MAPKAPK2: variants seen among roughly 807,000 people sequenced by gnomAD.
MAPKAPK2 encodes MAPK activated protein kinase 2, also known as MAP kinase-activated protein kinase 2.
Under a neutral mutation model 48.8 loss-of-function variants are expected in MAPKAPK2, and 9 were observed. The ratio of observed to expected loss-of-function variants is 0.18; its 90% CI spans 0.11 to 0.32. The LOEUF is 0.32. Among genes scored for constraint, MAPKAPK2 ranks in the 10% least tolerant of loss-of-function variants. The pLI is 1.00. For synonymous variants in MAPKAPK2, 202 were observed against 190.6 expected (o/e 1.06, Z -0.49); for missense variants, 331 against 498.3 (o/e 0.66, Z 3.20).
chr1:206,701,187 GCT>G (rs1553427851), intron 1 of MAPKAPK2, among the ~76,000 whole-genome samples: 2 of 152,196 alleles, frequency 1.3e-5, no homozygotes, highest in Admixed American at 6.5e-5. Flanking sequence ...GAATACAGAA[GCT>G]CTCTTTCACG....
chr1:206,697,774 G>A (rs1672675316), intron 1 of MAPKAPK2, among the ~76,000 whole-genome samples: 1 of 152,234 alleles, frequency 6.6e-6, no homozygotes. Flanking sequence ...TCAAAGGTTT[G>A]AACCTCATGG....
intron 1 of MAPKAPK2, among the ~76,000 whole-genome samples, chr1:206,687,635 G>A (rs1220244700): frequency 6.6e-6 from 1 of 152,196 alleles, no homozygotes; most frequent in Non-Finnish European, 1.5e-5. Context: ...TACAGCTGTG[G>A]GGGGAATCTG....
At chr1:206,727,692 C>T (rs1484656945) in intron 1 of MAPKAPK2, among the ~76,000 whole-genome samples, 1 of 152,118 alleles carries the variant, frequency 6.6e-6, no homozygotes, top group Non-Finnish European at 1.5e-5. Flanking sequence ...GTGATCTCGG[C>T]TCGCTGCAAG....
rs935186637 is a variant in MAPKAPK2, at chr1:206,731,414, C to T, written c.892+152C>T. On this transcript the variant is annotated intron_variant, in intron 7 of 9. Transcript: ENST00000367103. This position sits in a 1 kb window ranked among gnomAD's most constrained non-coding sequence, Gnocchi z 5.9. ...TATGCCCACGCCTGCGGGGTGCGTC[C>T]TGCTTCATTTTGCCTGTGTGGAGGG... 1.5e-5 allele frequency: 22 copies of T among 1,431,866 alleles called. No homozygotes were observed. Among genetic ancestry groups the T allele is most frequent in the Non-Finnish European group, 2.0e-5 (21 of 1,059,602 alleles). 88.7% of individuals were successfully genotyped at this position (1,431,866 alleles called of 1,614,324 possible).
intron 1 of MAPKAPK2, among the ~76,000 whole-genome samples, chr1:206,722,684 T>C (rs1384948756): frequency 2.0e-5 from 3 of 152,204 alleles, no homozygotes; most frequent in Admixed American, 1.3e-4. Context: ...AAACCTGGGT[T>C]GTTCAAGGGC....
At chr1:206,691,169 A>G (rs1232801430) in intron 1 of MAPKAPK2, among the ~76,000 whole-genome samples, 3 of 152,144 alleles carry the variant, frequency 2.0e-5, no homozygotes, top group South Asian at 2.1e-4. Flanking sequence ...GTTCAGTGGC[A>G]TGTCCAAGGT....
chr1:206,715,362 C>A (rs1445131359), intron 1 of MAPKAPK2, among the ~76,000 whole-genome samples: 2 of 152,180 alleles, frequency 1.3e-5, no homozygotes, highest in Non-Finnish European at 1.5e-5. Flanking sequence ...CAGACTACTC[C>A]CTTCGGGCCT....
chr1:206,696,065 G>T, intron 1 of MAPKAPK2: 4 of 986,576 alleles, frequency 4.1e-6, no homozygotes, highest in Admixed American at 1.7e-5. Context: ...ATGTGGTGAG[G>T]ATTCATCTCA....
Position 206,685,373 on chromosome 1 carries a change from C to A in MAPKAPK2, c.144C>A (p.Val48=). 6.6e-7 allele frequency: 1 copy of A among 1,515,416 alleles called. No individual in the cohort carries two copies. The highest frequency in any genetic ancestry group is 1.2e-5 in the South Asian group (1 of 86,484). The allele number at this position is 1,515,416 out of a possible 1,614,324, so 93.9% of individuals were successfully genotyped here. The change falls in exon 1 of 10, where the codon GTC becomes GTA. Residue 48 remains valine, a synonymous_variant. Transcript: ENST00000367103. ...CGCAGCAGTTCCCGCAGTTCCACGT[C>A]AAGTCCGGCCTGCAGATCAAGAAGA... ...PPPQQFPQFH[V]KSGLQIKKNA... is the part of the protein sequence containing the mutation.
In MAPKAPK2 at chr1:206,732,098, G is replaced by A. The variant is rs374876954; in HGVS notation, c.1059+179G>A. The A allele has an allele frequency of 7.4e-5, 119 of 1,614,098 alleles. No individual in the cohort carries two copies. Among genetic ancestry groups the A allele is most frequent in the Non-Finnish European group, 9.7e-5 (115 of 1,180,048 alleles). ...TTGGCTGACCAGGTTGTGAGCAGAGGATTCTGTGTTCCTGTCCAAACTCAG... is the reference window on the plus strand; with the variant it reads ...TTGGCTGACCAGGTTGTGAGCAGAGAATTCTGTGTTCCTGTCCAAACTCAG... On this transcript the variant is annotated intron_variant, in intron 9 of 9. Transcript: ENST00000367103. The surrounding 1 kb of genome is among the most constrained non-coding windows in gnomAD (Gnocchi z 4.4).
chr1:206,717,004 G>A (rs1553430485), intron 1 of MAPKAPK2, among the ~76,000 whole-genome samples: 2 of 152,122 alleles, frequency 1.3e-5, no homozygotes, highest in Non-Finnish European at 2.9e-5. Context: ...CTTCTCTACT[G>A]GGCTCTGGCC....
intron 1 of MAPKAPK2, among the ~76,000 whole-genome samples, chr1:206,711,834 G>C (rs548523204): frequency 8.6e-5 from 13 of 151,748 alleles, no homozygotes; most frequent in Non-Finnish European, 1.8e-4. Flanking sequence ...TGTTGCCCAG[G>C]TTGGTCTCAA....
intron 1 of MAPKAPK2, among the ~76,000 whole-genome samples, chr1:206,727,918 C>T (rs1213520135): frequency 5.9e-5 from 9 of 152,162 alleles, no homozygotes; most frequent in African/African-American, 1.9e-4. Context: ...CCACCGTGCC[C>T]GGCAGCAGAT....
intron 1 of MAPKAPK2, among the ~76,000 whole-genome samples, chr1:206,718,056 A>G (rs1673390092): frequency 6.6e-6 from 1 of 152,238 alleles, no homozygotes; most frequent in Non-Finnish European, 1.5e-5. Flanking sequence ...ATTATGCTAT[A>G]TATTCTGTTC....
chr1:206,718,532 CA>C (rs60964142), intron 1 of MAPKAPK2, among the ~76,000 whole-genome samples: 481 of 114,656 alleles, frequency 4.2e-3, no homozygotes, highest in South Asian at 9.6e-3. Flanking sequence ...GACTCCATCT[CA>C]AAAAAAAAAA....
rs1220589288 is a variant in MAPKAPK2, at chr1:206,731,500, G to C, written c.893-140G>C. 86 of 1,064,694 alleles carry C rather than the reference G, an allele frequency of 8.1e-5. 1 individual carries two copies. The Admixed American group carries it at 9.7e-4, about 12-fold the overall frequency. 66.0% of individuals were successfully genotyped at this position (1,064,694 alleles called of 1,614,324 possible). A position where few individuals can be genotyped will look rare whatever the true frequency, so the allele number is the denominator to read the frequency against. On this transcript the variant is annotated intron_variant, in intron 7 of 9. Transcript: ENST00000367103. The surrounding 1 kb of genome is among the most constrained non-coding windows in gnomAD (Gnocchi z 5.9). Reference sequence around the variant, plus strand: ...GCCTCTCAAGTGGTACAGCCGTAATGGTCCTTGGGGCCAGTTGCTCCGGCA... The same window carrying C: ...GCCTCTCAAGTGGTACAGCCGTAATCGTCCTTGGGGCCAGTTGCTCCGGCA...
rs782748723 is a variant in MAPKAPK2 at position 206,728,700 on chromosome 1, T to G, written c.280-10T>G. The G allele has an allele frequency of 4.3e-6, 7 of 1,612,324 alleles. No homozygotes were observed. In the East Asian group the frequency reaches 1.6e-4, roughly 36 times the overall value. On this transcript the variant is annotated splice_polypyrimidine_tract_variant and intron_variant, in intron 1 of 9. Coordinates refer to ENST00000367103, the MANE Select transcript of MAPKAPK2 (RefSeq NM_032960.4). ...CAGCGCAGTTACTCAGAAAGCTGTT[T>G]GGCCTGCAGATGCTTCAGGACTGCC... is the stretch of plus-strand genomic sequence containing the variant.
At chr1:206,730,874 C>T (rs1673878254) in intron 6 of MAPKAPK2, 111 bp downstream of exon 6, 2 of 1,131,554 alleles carry the variant, frequency 1.8e-6, no homozygotes, top group Non-Finnish European at 2.6e-6. Context: ...ACAGGGGAGT[C>T]CCCTGCGTGC....
At chr1:206,706,685 A>G (rs1672970396) in intron 1 of MAPKAPK2, among the ~76,000 whole-genome samples, 1 of 152,204 alleles carries the variant, frequency 6.6e-6, no homozygotes, top group African/African-American at 2.4e-5. Context: ...CTGGGTATGC[A>G]TCACCGCTGC....
Sources: gnomAD v4.1 joint callset for allele counts (sites outside exome capture counted in the v4.1 genomes callset) on GRCh38, gnomAD v4.1.1 for gene constraint, Gnocchi (gnomAD v3.1) non-coding constraint, MANE v1.5 for transcripts, NCBI Gene and HGNC (gene_info 2026-07-23, HGNC 2026-07-21) for gene names.